Variants in SH3RF3 observed in about 807,000 individuals in gnomAD.
SH3RF3 encodes the protein E3 ubiquitin-protein ligase SH3RF3.
SH3RF3 carries 29 observed loss-of-function variants against 66.3 expected under a neutral mutation model. The ratio of observed to expected loss-of-function variants is 0.44; its 90% CI spans 0.33 to 0.60. The LOEUF is 0.60. SH3RF3 is among the 20% of genes least tolerant of loss of function. The probability of loss-of-function intolerance (pLI) is 0.04; values close to 1 mark genes in which losing one functional copy is unlikely to be tolerated. For synonymous variants in SH3RF3, 583 were observed against 532.0 expected, an observed-to-expected ratio of 1.10 and a Z score of -1.32; for missense variants, 1,194 against 1,190.9, an observed-to-expected ratio of 1.00 and a Z score of -0.04.
chr2:109,446,066 C>T (rs530321855), intron 7 of SH3RF3, among the ~76,000 whole-genome samples: 1 of 152,232 alleles, frequency 6.6e-6, no homozygotes, highest in African/African-American at 2.4e-5. Flanking sequence ...AAGATGTGGG[C>T]TACTTTGGCA....
chr2:109,199,622 T>TCAAC (rs1558954001), intron 1 of SH3RF3, among the ~76,000 whole-genome samples: 4 of 132 alleles, frequency 0.03, no homozygotes, highest in Admixed American at 0.1. Flanking sequence ...TGGAATGGAA[T>TCAAC]GGAATGGAAT....
chr2:109,143,248 G>A (rs1211291391), intron 1 of SH3RF3, among the ~76,000 whole-genome samples: 3 of 152,190 alleles, frequency 2.0e-5, no homozygotes, highest in African/African-American at 7.2e-5. Flanking sequence ...TAAATAAAAA[G>A]TGAGTCAATT....
At chr2:109,221,256 T>G (rs950216973) in intron 1 of SH3RF3, among the ~76,000 whole-genome samples, 1 of 152,168 alleles carries the variant, frequency 6.6e-6, no homozygotes, top group African/African-American at 2.4e-5. Context: ...CCATTCTAAC[T>G]GGGTGGAGGT....
At chr2:109,359,148 C>T (rs1376090380) in intron 2 of SH3RF3, among the ~76,000 whole-genome samples, 27 of 152,166 alleles carry the variant, frequency 1.8e-4, no homozygotes, top group Admixed American at 1.8e-3. Flanking sequence ...TTGTCTATTG[C>T]ATTGCCAATG....
At chr2:109,408,168 TCATGAATGCCCA>T (rs1273673840) in intron 4 of SH3RF3, among the ~76,000 whole-genome samples, 1 of 152,114 alleles carries the variant, frequency 6.6e-6, no homozygotes, top group Non-Finnish European at 1.5e-5. Flanking sequence ...AGAGGGTTGT[TCATGAATGCCCA>T]CCGGTAGGCC....
At chr2:109,221,190 A>T (rs1157750066) in intron 1 of SH3RF3, among the ~76,000 whole-genome samples, 1 of 152,244 alleles carries the variant, frequency 6.6e-6, no homozygotes, top group Non-Finnish European at 1.5e-5. Context: ...TGGAATAAAA[A>T]GTCAGTCTTC....
chr2:109,287,299 C>T (rs953033203), intron 1 of SH3RF3, among the ~76,000 whole-genome samples: 1 of 152,168 alleles, frequency 6.6e-6, no homozygotes, highest in African/African-American at 2.4e-5. Context: ...CCCTGGATTC[C>T]TGATGCCCTG....
chr2:109,172,084 A>G (rs1249057994), intron 1 of SH3RF3, among the ~76,000 whole-genome samples: 1 of 152,200 alleles, frequency 6.6e-6, no homozygotes, highest in Non-Finnish European at 1.5e-5. Flanking sequence ...AAAACTTGAT[A>G]TGCACGTCAT....
At chr2:109,139,401 G>T (rs1676885648) in intron 1 of SH3RF3, among the ~76,000 whole-genome samples, 1 of 151,942 alleles carries the variant, frequency 6.6e-6, no homozygotes, top group African/African-American at 2.4e-5. Context: ...CTAAACATGT[G>T]CAGTATGAAA....
chr2:109,426,021 C>T lies in SH3RF3; in HGVS notation c.1403+6379C>T, dbSNP rs575810641. On this transcript the variant is annotated intron_variant, in intron 5 of 9. Transcript: ENST00000309415. ...CAAGCCATTCTCCTGCCTCAGCCTT[C>T]CCGGTAGCTGGGATTACAGGCGCAT... Among the ~76,000 whole-genome samples the T allele has an allele frequency of 7.9e-5, 12 of 152,322 alleles. No individual in the cohort carries two copies. In the South Asian group the frequency reaches 2.5e-3, roughly 32 times the overall value.
chr2:109,259,835 G>A (rs1680308708), intron 1 of SH3RF3, among the ~76,000 whole-genome samples: 1 of 152,152 alleles, frequency 6.6e-6, no homozygotes, highest in African/African-American at 2.4e-5. Context: ...GGCTCTGAGA[G>A]CATCTGGTGT....
At chr2:109,453,607 C>G (rs1677951243) in intron 8 of SH3RF3, among the ~76,000 whole-genome samples, 1 of 152,208 alleles carries the variant, frequency 6.6e-6, no homozygotes, top group Non-Finnish European at 1.5e-5. Context: ...ACTTGTGCCC[C>G]AATCCCTGAC....
chr2:109,351,468 A>G (rs1682835710), intron 2 of SH3RF3, among the ~76,000 whole-genome samples: 1 of 152,232 alleles, frequency 6.6e-6, no homozygotes, highest in Admixed American at 6.5e-5. Context: ...TTGAGCAGCT[A>G]ACTCTATATT....
At chr2:109,351,870 T>A (rs1267124714) in intron 2 of SH3RF3, among the ~76,000 whole-genome samples, 1 of 152,232 alleles carries the variant, frequency 6.6e-6, no homozygotes, top group African/African-American at 2.4e-5. Context: ...CCATGTGACC[T>A]TCTTATGCTG....
chr2:109,483,557 C>T (rs1678888130), intron 8 of SH3RF3, among the ~76,000 whole-genome samples: 1 of 152,236 alleles, frequency 6.6e-6, no homozygotes, highest in African/African-American at 2.4e-5. Context: ...TTTTAAAACT[C>T]ATGTTGCTTC....
At chr2:109,498,000 C>T (rs1679295869) in intron 9 of SH3RF3, among the ~76,000 whole-genome samples, 1 of 152,168 alleles carries the variant, frequency 6.6e-6, no homozygotes, top group Non-Finnish European at 1.5e-5. Context: ...ATCCTGTGGG[C>T]CCTCGCAGCC....
At chr2:109,217,523 A>C (rs1431038637) in intron 1 of SH3RF3, among the ~76,000 whole-genome samples, 1 of 152,224 alleles carries the variant, frequency 6.6e-6, no homozygotes, top group Non-Finnish European at 1.5e-5. Flanking sequence ...GGGCTTCCCC[A>C]GACTTCAAGT....
intron 3 of SH3RF3, among the ~76,000 whole-genome samples, chr2:109,390,327 C>T (rs746209915): frequency 5.3e-5 from 8 of 152,196 alleles, no homozygotes; most frequent in Non-Finnish European, 8.8e-5. Flanking sequence ...TTCTAATCAG[C>T]GGTCCTTCTG....
rs1204384213 is a variant in SH3RF3 at position 109,502,026 on chromosome 2, T to G, written c.*355T>G. 1 of 225,716 alleles carries G rather than the reference T, an allele frequency of 4.4e-6. No individual in the cohort carries two copies. Among genetic ancestry groups the G allele is most frequent in the African/African-American group, 2.2e-5 (1 of 45,294 alleles). The allele number at this position is 225,716 out of a possible 1,614,324, so 14.0% of individuals were successfully genotyped here. On this transcript the variant is annotated 3_prime_UTR_variant, in exon 10 of 10. Transcript: ENST00000309415. The stretch of plus-strand genomic sequence containing the variant: ...TTACCACCTAAGCAGGGTTGGAGGT[T>G]GCAGGAGGTCTGCAGGCGAGGTGGG...
Sources: allele counts gnomAD v4.1 joint callset (sites outside exome capture counted in the v4.1 genomes callset), GRCh38; gene constraint gnomAD v4.1.1; transcripts MANE v1.5; gene names NCBI Gene and HGNC (gene_info 2026-07-23, HGNC 2026-07-21).